Variants in KCNQ1OT1 observed in about 807,000 individuals in gnomAD.
The protein encoded by KCNQ1OT1 is KCNQ1 antisense RNA 2 (non-protein coding).
At chr11:2,609,846 T>C (rs1848949371) in exon 1 of KCNQ1OT1, 2 of 398,210 alleles carry the variant, frequency 5.0e-6, no homozygotes, top group East Asian at 7.2e-5. Context: ...AGGTTACTTA[T>C]GGTTGCTGCT....
At position 2,645,087 on chromosome 11, in the gene KCNQ1OT1, C is replaced by T; in HGVS notation, n.54908G>A. 1 of 398,622 alleles carries T rather than the reference C, an allele frequency of 2.5e-6. No individual in the cohort carries two copies. Among genetic ancestry groups the T allele is most frequent in the Non-Finnish European group, 4.4e-6 (1 of 226,126 alleles). The allele number at this position is 398,622 out of a possible 1,614,324, so 24.7% of individuals were successfully genotyped here. A position where few individuals can be genotyped will look rare whatever the true frequency, so the allele number is the denominator to read the frequency against. ...GAGCTGGGCCACAGGGTGGGTAGGT[C>T]CTTGAGCTCTGAGCAGCAGATATGG... On this transcript the variant is annotated non_coding_transcript_exon_variant, in exon 1 of 1. Transcript: ENST00000597346. The surrounding 1 kb of genome is among the most constrained non-coding windows in gnomAD (Gnocchi z 5.8).
exon 1 of KCNQ1OT1, chr11:2,650,447 G>T (rs929228501): frequency 5.0e-6 from 2 of 398,458 alleles, no homozygotes; most frequent in Non-Finnish European, 8.8e-6. Context: ...GTATCATTTG[G>T]GTAGGGTGCT....
rs1849682605 is a variant in KCNQ1OT1, at chr11:2,647,385, G to T, written n.52610C>A. 3 of 398,432 alleles carry T rather than the reference G, an allele frequency of 7.5e-6. No homozygotes were observed. Among genetic ancestry groups the T allele is most frequent in the South Asian group, 2.5e-4 (2 of 7,860 alleles). 24.7% of individuals were successfully genotyped at this position (398,432 alleles called of 1,614,324 possible). A position where few individuals can be genotyped will look rare whatever the true frequency, so the allele number is the denominator to read the frequency against. On this transcript the variant is annotated non_coding_transcript_exon_variant, in exon 1 of 1. Transcript: ENST00000597346. The surrounding 1 kb of genome is among the most constrained non-coding windows in gnomAD (Gnocchi z 4.0). ...GATTGGATTCAGATTGCTAGTTTGT[G>T]TGTCTGTGTGTGTGTTTTGTTTCTG...
exon 1 of KCNQ1OT1, chr11:2,667,943 C>G (rs1367549517): frequency 7.5e-6 from 3 of 398,598 alleles, no homozygotes; most frequent in African/African-American, 2.1e-5. Flanking sequence ...CCGGAGGAAG[C>G]AACAGAACCC....
chr11:2,688,320 C>A (rs949262690), exon 1 of KCNQ1OT1: 3 of 398,688 alleles, frequency 7.5e-6, no homozygotes, highest in Non-Finnish European at 1.3e-5. Context: ...AAGCACGTCA[C>A]ACACACAGCT....
At position 2,683,134 on chromosome 11, in the gene KCNQ1OT1, T is replaced by G; in HGVS notation, n.16861A>C. 2.5e-6 allele frequency: 1 copy of G among 398,376 alleles called. No homozygotes were observed. Among genetic ancestry groups the G allele is most frequent in the Non-Finnish European group, 4.4e-6 (1 of 226,038 alleles). The allele number at this position is 398,376 out of a possible 1,614,324, so 24.7% of individuals were successfully genotyped here. A position where few individuals can be genotyped will look rare whatever the true frequency, so the allele number is the denominator to read the frequency against. ...TATATCGCACCAACTCAGGAGGGTG[T>G]GGGGATGGGCTAGCATTAGGAATGG... On this transcript the variant is annotated non_coding_transcript_exon_variant, in exon 1 of 1. Transcript: ENST00000597346. The surrounding 1 kb of genome is among the most constrained non-coding windows in gnomAD (Gnocchi z 4.7).
rs1315583403 is a variant in KCNQ1OT1, at chr11:2,612,346, T to C, written n.87649A>G. 1.8e-5 allele frequency: 7 copies of C among 398,456 alleles called. No homozygotes were observed. Among genetic ancestry groups the C allele is most frequent in the South Asian group, 1.3e-4 (1 of 7,858 alleles). 24.7% of individuals were successfully genotyped at this position (398,456 alleles called of 1,614,324 possible). A position where few individuals can be genotyped will look rare whatever the true frequency, so the allele number is the denominator to read the frequency against. On this transcript the variant is annotated non_coding_transcript_exon_variant, in exon 1 of 1. Coordinates refer to ENST00000597346, the Ensembl canonical transcript of KCNQ1OT1. The surrounding 1 kb of genome is among the most constrained non-coding windows in gnomAD (Gnocchi z 5.5). ...CCTCCCCCAACTGGCTGTGGAAAAATTGTCTTCCACAAAACTGGTCCCTCA... is the reference window on the plus strand; with the variant it reads ...CCTCCCCCAACTGGCTGTGGAAAAACTGTCTTCCACAAAACTGGTCCCTCA...
At chr11:2,632,098 G>C (rs1298326744) in exon 1 of KCNQ1OT1, 1 of 395,810 alleles carries the variant, frequency 2.5e-6, no homozygotes. Context: ...CAGGAGAATG[G>C]CGTGAACTCG....
chr11:2,692,763 A>G (rs1362856469), exon 1 of KCNQ1OT1: 6 of 398,550 alleles, frequency 1.5e-5, no homozygotes, highest in Non-Finnish European at 2.7e-5. Flanking sequence ...GCCAGGGTCT[A>G]GTACCTGCTG....
At chr11:2,692,699 A>G (rs1376810470) in exon 1 of KCNQ1OT1, 5 of 398,434 alleles carry the variant, frequency 1.3e-5, no homozygotes, top group Non-Finnish European at 1.8e-5. Flanking sequence ...CCCTTTGTCC[A>G]CTAACCCTGG....
exon 1 of KCNQ1OT1, chr11:2,615,833 G>T: frequency 2.5e-6 from 1 of 397,988 alleles, no homozygotes; most frequent in Non-Finnish European, 4.4e-6. Context: ...GTCTTTTCTT[G>T]TGGTATATTT....
exon 1 of KCNQ1OT1, chr11:2,630,330 T>G (rs1849332537): frequency 2.5e-6 from 1 of 398,296 alleles, no homozygotes; most frequent in Non-Finnish European, 4.4e-6. Context: ...TGTTGAAAAT[T>G]TTTAAATGTA....
exon 1 of KCNQ1OT1, chr11:2,681,246 C>T (rs1483381827): frequency 5.0e-6 from 2 of 398,460 alleles, no homozygotes; most frequent in Non-Finnish European, 8.8e-6. Context: ...GAGAGTATTC[C>T]TGCCTCCCCA....
exon 1 of KCNQ1OT1, chr11:2,672,430 C>T: frequency 5.0e-6 from 2 of 398,574 alleles, no homozygotes; most frequent in Non-Finnish European, 8.8e-6. Flanking sequence ...ACAGTCCACC[C>T]CAGGGGCTCT....
exon 1 of KCNQ1OT1, chr11:2,610,901 T>C (rs913224900): frequency 1.8e-5 from 7 of 398,212 alleles, no homozygotes; most frequent in Non-Finnish European, 3.1e-5. Context: ...CATCCAAGAA[T>C]AGTAGTTGGG....
exon 1 of KCNQ1OT1, chr11:2,628,763 C>T (rs1200916934): frequency 5.0e-6 from 2 of 398,234 alleles, no homozygotes; most frequent in East Asian, 3.6e-5. Context: ...GGTTTCAGGT[C>T]ATATGTTTAA....
exon 1 of KCNQ1OT1, chr11:2,692,916 G>A (rs1850611762): frequency 5.0e-6 from 2 of 398,538 alleles, no homozygotes; most frequent in Non-Finnish European, 8.8e-6. Flanking sequence ...ACTGTAGCAT[G>A]GCCTATGTCC....
At position 2,624,597 on chromosome 11, in the gene KCNQ1OT1, A is replaced by G; in HGVS notation, n.75398T>C. On this transcript the variant is annotated non_coding_transcript_exon_variant, in exon 1 of 1. Transcript: ENST00000597346. The surrounding 1 kb of genome is among the most constrained non-coding windows in gnomAD (Gnocchi z 4.9). ...GCAAAATACACTTAACATAAAAATT[A>G]CCATCCTAACCAATTTTAGTGTACA... 2.5e-6 allele frequency: 1 copy of G among 398,572 alleles called. No individual in the cohort carries two copies. The highest frequency in any genetic ancestry group is 4.4e-6 in the Non-Finnish European group (1 of 226,048). 24.7% of individuals were successfully genotyped at this position (398,572 alleles called of 1,614,324 possible).
In KCNQ1OT1 at chr11:2,662,817, C is replaced by T. The variant is rs190419199; in HGVS notation, n.37178G>A. The T allele has an allele frequency of 3.8e-4, 151 of 398,900 alleles. No homozygotes were observed. The East Asian group carries it at 4.6e-3, about 12-fold the overall frequency. The allele number at this position is 398,900 out of a possible 1,614,324, so 24.7% of individuals were successfully genotyped here. A position where few individuals can be genotyped will look rare whatever the true frequency, so the allele number is the denominator to read the frequency against. ...TGTCAAGATCTGTGAGTGACACTCG[C>T]GGCCCTTCTGAGGGTCACTTGTGGA... On this transcript the variant is annotated non_coding_transcript_exon_variant, in exon 1 of 1. Coordinates refer to ENST00000597346, the Ensembl canonical transcript of KCNQ1OT1.
Sources: allele counts gnomAD v4.1 joint callset, GRCh38; gene constraint gnomAD v4.1.1; non-coding constraint Gnocchi (gnomAD v3.1); transcripts MANE v1.5; gene names NCBI Gene and HGNC (gene_info 2026-07-23, HGNC 2026-07-21).